SPAG9: variants seen among roughly 807,000 people sequenced by gnomAD.
The protein encoded by SPAG9 is sperm associated antigen 9, also known as C-Jun-amino-terminal kinase-interacting protein 4.
A neutral mutation model predicts 166.5 loss-of-function variants in SPAG9; 35 were observed. The observed-to-expected ratio is 0.21, with a 90% confidence interval of 0.16 to 0.28. SPAG9 has a LOEUF of 0.28. SPAG9 is among the 10% of genes least tolerant of loss of function. SPAG9 has a pLI of 1.00. For synonymous variants in SPAG9, 534 were observed against 565.5 expected (o/e 0.94, Z 0.79); for missense variants, 1,235 against 1,603.3 (o/e 0.77, Z 3.92).
intron 15 of SPAG9, among the ~76,000 whole-genome samples, chr17:50,998,143 T>C (rs2044761755): frequency 6.6e-6 from 1 of 150,870 alleles, no homozygotes. Flanking sequence ...GCGATTCTTC[T>C]GCCTCAGCCT....
At chr17:51,023,830 A>G (rs188749862) in intron 6 of SPAG9, among the ~76,000 whole-genome samples, 128 of 151,980 alleles carry the variant, frequency 8.4e-4, no homozygotes, top group African/African-American at 2.9e-3. Flanking sequence ...ATGCCCCACT[A>G]ATTTTTTGTA....
chr17:51,055,301 C>T (rs1425699494), intron 3 of SPAG9, among the ~76,000 whole-genome samples: 4 of 151,874 alleles, frequency 2.6e-5, no homozygotes, highest in Admixed American at 1.3e-4. Flanking sequence ...TGCAGTGAGC[C>T]GAGATTGCGC....
intron 1 of SPAG9, among the ~76,000 whole-genome samples, chr17:51,111,708 T>C (rs944764420): frequency 6.6e-6 from 1 of 152,132 alleles, no homozygotes; most frequent in African/African-American, 2.4e-5. Context: ...GTACAAGTGA[T>C]TTTCCTTCCT....
chr17:50,973,943 C>T lies in SPAG9; in HGVS notation c.3700+828G>A, dbSNP rs188900507. On this transcript the variant is annotated intron_variant, in intron 28 of 29. Transcript: ENST00000262013. Reference sequence around the variant, plus strand: ...TCTTAACAGTAACTCTCTCTTCATACGCACATACACATGCATCCTATTGGT... The same window carrying T: ...TCTTAACAGTAACTCTCTCTTCATATGCACATACACATGCATCCTATTGGT... Among the ~76,000 whole-genome samples, 123 of 152,302 alleles carry T rather than the reference C, an allele frequency of 8.1e-4. 1 individual carries two copies. The highest frequency in any genetic ancestry group is 6.8e-3 in the Middle Eastern group (2 of 294).
chr17:51,101,915 G>T (rs888946856), intron 1 of SPAG9, among the ~76,000 whole-genome samples: 2 of 152,050 alleles, frequency 1.3e-5, no homozygotes, highest in Non-Finnish European at 2.9e-5. Flanking sequence ...ATAAGCCACC[G>T]CGCCTGGCCT....
At chr17:51,095,621 A>C (rs1431069315) in intron 1 of SPAG9, among the ~76,000 whole-genome samples, 1 of 151,252 alleles carries the variant, frequency 6.6e-6, no homozygotes, top group Non-Finnish European at 1.5e-5. Flanking sequence ...ACTGCACTCC[A>C]GCCTGGGCGA....
intron 1 of SPAG9, among the ~76,000 whole-genome samples, chr17:51,088,854 G>A (rs2048369177): frequency 1.3e-5 from 2 of 151,970 alleles, no homozygotes; most frequent in African/African-American, 4.8e-5. Context: ...CAGCACTTTG[G>A]GAGGCCGAGG....
intron 2 of SPAG9, 48 bp from the exon 3 acceptor site, chr17:51,056,530 C>G (rs760665522): frequency 1.6e-6 from 2 of 1,235,684 alleles, no homozygotes; most frequent in East Asian, 2.3e-5. Flanking sequence ...AAGAAATTTA[C>G]TTGAAAAAGT....
chr17:51,088,257 TCTC>T (rs1414833723), intron 1 of SPAG9, among the ~76,000 whole-genome samples: 1 of 152,160 alleles, frequency 6.6e-6, no homozygotes, highest in Non-Finnish European at 1.5e-5. Context: ...CAATGCCTAT[TCTC>T]CAAATGCTAG....
intron 27 of SPAG9, chr17:50,976,711 C>T (rs552899246): frequency 1.3e-5 from 2 of 153,404 alleles, no homozygotes; most frequent in Non-Finnish European, 1.5e-5. Flanking sequence ...TCTTCCACAA[C>T]TTTTTTTAAA....
At chr17:51,106,880 G>A (rs574840921) in intron 1 of SPAG9, among the ~76,000 whole-genome samples, 2 of 151,274 alleles carry the variant, frequency 1.3e-5, no homozygotes, top group African/African-American at 4.9e-5. Context: ...GAAGTGTGCA[G>A]ATCACAAGGT....
intron 19 of SPAG9, 72 bp from the exon 20 acceptor site, chr17:50,990,740 C>G (rs1411177729): frequency 7.9e-7 from 1 of 1,272,140 alleles, no homozygotes; most frequent in Non-Finnish European, 1.1e-6. Flanking sequence ...AAAACAATTA[C>G]AGGTTTGAAA....
intron 24 of SPAG9, 131 bp from the exon 25 acceptor site, chr17:50,982,803 C>G (rs900276733): frequency 1.3e-6 from 1 of 797,888 alleles, no homozygotes; most frequent in Non-Finnish European, 1.9e-6. Flanking sequence ...CTAAGTATAT[C>G]TTTTATTTGC....
At chr17:51,086,901 G>A (rs1191401109) in intron 1 of SPAG9, among the ~76,000 whole-genome samples, 1 of 152,156 alleles carries the variant, frequency 6.6e-6, no homozygotes, top group African/African-American at 2.4e-5. Flanking sequence ...CAGCCTGGGT[G>A]ACAGAGTGAG....
intron 1 of SPAG9, among the ~76,000 whole-genome samples, chr17:51,102,485 C>T (rs2048834777): frequency 1.3e-5 from 2 of 151,242 alleles, no homozygotes; most frequent in South Asian, 4.2e-4. Context: ...AGTTTTGGCA[C>T]TTAATCTTCA....
intron 8 of SPAG9, 33 bp downstream of exon 8, chr17:51,020,126 G>A (rs546509000): frequency 1.5e-5 from 20 of 1,322,604 alleles, no homozygotes; most frequent in African/African-American, 2.9e-5. Context: ...GGTGGGGGGC[G>A]CAGAATATGT....
chr17:50,990,040 T>A (rs1271427212), intron 20 of SPAG9, 168 bp from the exon 21 acceptor site: 3 of 672,614 alleles, frequency 4.5e-6, no homozygotes. Context: ...CATTTTTTTT[T>A]TTTTTGAGAC....
At chr17:51,060,386 C>T (rs1315142417) in intron 2 of SPAG9, among the ~76,000 whole-genome samples, 2 of 151,580 alleles carry the variant, frequency 1.3e-5, no homozygotes, top group Admixed American at 1.3e-4. Context: ...AGCAGTAATC[C>T]CAGCTACTCG....
intron 28 of SPAG9, among the ~76,000 whole-genome samples, chr17:50,973,680 C>G (rs2143623557): frequency 6.6e-6 from 1 of 152,278 alleles, no homozygotes; most frequent in South Asian, 2.1e-4. Flanking sequence ...ATGTGATTAA[C>G]ATTTAAAACA....
Sources: allele counts gnomAD v4.1 joint callset (sites outside exome capture counted in the v4.1 genomes callset), GRCh38; gene constraint gnomAD v4.1.1; transcripts MANE v1.5; gene names NCBI Gene and HGNC (gene_info 2026-07-23, HGNC 2026-07-21).